The following KANK4 variants were observed in gnomAD, a reference collection of about 807,000 sequenced individuals.
KANK4 encodes KN motif and ankyrin repeat domains 4, also known as KN motif and ankyrin repeat domain-containing protein 4.
A neutral mutation model predicts 80.8 loss-of-function variants in KANK4; 50 were observed. The observed-to-expected ratio is 0.62, with a 90% CI of 0.49 to 0.78. KANK4 has a LOEUF of 0.78. Among genes scored for constraint, KANK4 ranks in the 30% least tolerant of loss-of-function variants. The pLI, the probability that KANK4 is intolerant of heterozygous loss-of-function variation, is 0.00. For synonymous variants in KANK4, 465 were observed against 506.9 expected (o/e 0.92, Z 1.11); for missense variants, 1,196 against 1,240.1 (o/e 0.96, Z 0.53).
rs559482425 is a variant in KANK4, at chr1:62,274,165, C to A, written c.939G>T (p.Pro313=). The stretch of plus-strand genomic sequence containing the variant: ...TTCTCATGTCCACCTCTACAGGTGG[C>A]GGGGGTGGAATCTCGCTGATGTTGA... ...IELNISEIPP[P]PPVEVDMRSI... The change falls in exon 3 of 10, where the codon CCG becomes CCT. Residue 313 remains proline, a synonymous_variant. Coordinates refer to ENST00000371153, the MANE Select transcript of KANK4 (RefSeq NM_181712.5). 5.0e-6 allele frequency: 8 copies of A among 1,614,114 alleles called. No individual in the cohort carries two copies. Among genetic ancestry groups the A allele is most frequent in the Non-Finnish European group, 6.8e-6 (8 of 1,180,010 alleles).
Position 62,271,579 on chromosome 1 carries a change from T to C in KANK4, c.1911A>G (p.Pro637=), listed in dbSNP as rs149615861. The change falls in exon 4 of 10, where the codon CCA becomes CCG. Residue 637 remains proline, a synonymous_variant. Transcript: ENST00000371153. ...SSSSPPVEIS[P]STSLKSIMKK... ...TCATTATGGATTTAAGGCTGGTCGA[T>C]GGGGAGATCTCTAGGCAGACACAAC... is the stretch of plus-strand genomic sequence containing the variant. 1.2e-4 allele frequency: 193 copies of C among 1,611,900 alleles called. 1 individual carries two copies. In the African/African-American group the frequency reaches 2.3e-3, roughly 19 times the overall value.
chr1:62,305,980 A>ACTCT (rs58731873), intron 1 of KANK4, among the ~76,000 whole-genome samples: 146 of 149,602 alleles, frequency 9.8e-4, no homozygotes, highest in Middle Eastern at 3.5e-3. Flanking sequence ...CCCATTACAG[A>ACTCT]CTCTCTCTCT....
chr1:62,269,302 G>T (rs888697116), intron 4 of KANK4, among the ~76,000 whole-genome samples: 2 of 152,174 alleles, frequency 1.3e-5, no homozygotes, highest in African/African-American at 4.8e-5. Flanking sequence ...AATGCTGGTG[G>T]TAAGATGATT....
chr1:62,253,510 A>T (rs1671677645), intron 7 of KANK4, among the ~76,000 whole-genome samples: 1 of 147,486 alleles, frequency 6.8e-6, no homozygotes, highest in Admixed American at 7.1e-5. Context: ...CCCAGGTTCA[A>T]GCAATTCTGC....
intron 7 of KANK4, among the ~76,000 whole-genome samples, chr1:62,257,278 G>T (rs981301994): frequency 6.6e-6 from 1 of 152,154 alleles, no homozygotes; most frequent in Admixed American, 6.5e-5. Context: ...AGTAGAGATG[G>T]GGTTTCGCCA....
chr1:62,243,054 C>A (rs2149114544), intron 9 of KANK4, among the ~76,000 whole-genome samples: 1 of 152,304 alleles, frequency 6.6e-6, no homozygotes. Flanking sequence ...TACCTGTGGG[C>A]CCATTACCTG....
chr1:62,264,877 G>A (rs1416492793), intron 6 of KANK4, among the ~76,000 whole-genome samples: 1 of 152,222 alleles, frequency 6.6e-6, no homozygotes, highest in South Asian at 2.1e-4. Flanking sequence ...TGTGGCCCAG[G>A]CTGGAGTGCA....
In KANK4 at chr1:62,286,520, G is replaced by A. The variant is rs531567209; in HGVS notation, c.-70-4886C>T. Among the ~76,000 whole-genome samples the A allele has an allele frequency of 2.6e-5, 4 of 152,296 alleles. No homozygotes were observed. In the South Asian group the frequency reaches 6.2e-4, roughly 24 times the overall value. On this transcript the variant is annotated intron_variant, in intron 1 of 9. Coordinates refer to ENST00000371153, the MANE Select transcript of KANK4 (RefSeq NM_181712.5). ...AAAGTTAGTTCCCAGAGCTGCCATC[G>A]CTTCCGAGGAACACATCTAGAGACA...
intron 1 of KANK4, among the ~76,000 whole-genome samples, chr1:62,289,076 T>C (rs942314308): frequency 6.6e-6 from 1 of 152,204 alleles, no homozygotes; most frequent in Non-Finnish European, 1.5e-5. Context: ...ATTTTGTTGT[T>C]GTTCTGTTTT....
intron 1 of KANK4, among the ~76,000 whole-genome samples, chr1:62,291,276 G>A (rs1480188957): frequency 1.3e-5 from 2 of 151,982 alleles, no homozygotes; most frequent in Non-Finnish European, 2.9e-5. Context: ...TTTTGAATTG[G>A]CTTGTTTGTT....
At position 62,274,396 on chromosome 1, in the gene KANK4, C is replaced by G. The variant is rs202032567; in HGVS notation, c.708G>C (p.Glu236Asp). Residue 236 changes from glutamate to aspartate, a missense_variant, in exon 3 of 10, where the codon GAG (glutamate) becomes GAC (aspartate). Physicochemically the swap from Glu to Asp is conservative, Grantham distance 45. Transcript: ENST00000371153. ...ELVQEGAEPP[E>D]GVVKVPNHLP... ...GGTGATTTGGAACCTTCACCACACC[C>G]TCTGGAGGCTCAGCTCCCTCCTGGA... 6.2e-7 allele frequency: 1 copy of G among 1,614,212 alleles called. No homozygotes were observed. Among genetic ancestry groups the G allele is most frequent in the African/African-American group, 1.3e-5 (1 of 75,064 alleles).
chr1:62,246,048 C>T (rs912960675), intron 9 of KANK4, among the ~76,000 whole-genome samples: 11 of 152,066 alleles, frequency 7.2e-5, no homozygotes, highest in African/African-American at 2.2e-4. Flanking sequence ...TTGATGCCTC[C>T]GTCTCCTTGA....
chr1:62,239,760 T>C (rs1297770298), intron 9 of KANK4, among the ~76,000 whole-genome samples: 2 of 152,108 alleles, frequency 1.3e-5, no homozygotes, highest in Non-Finnish European at 1.5e-5. Flanking sequence ...TGAGAACATG[T>C]GGTGTTTGGT....
At chr1:62,239,647 A>G (rs1671291256) in intron 9 of KANK4, among the ~76,000 whole-genome samples, 1 of 151,950 alleles carries the variant, frequency 6.6e-6, no homozygotes, top group Non-Finnish European at 1.5e-5. Context: ...TATATCCCCT[A>G]ATGCTATCCC....
Position 62,238,188 on chromosome 1 carries a change from C to A in KANK4, c.*89G>T. Reference sequence around the variant, plus strand: ...GTTTCTTCTCTAGAAGGGTGGCTCTCTGGCCTGTGACCTCTGCCCTCTTCA... The same window carrying A: ...GTTTCTTCTCTAGAAGGGTGGCTCTATGGCCTGTGACCTCTGCCCTCTTCA... On this transcript the variant is annotated 3_prime_UTR_variant, in exon 10 of 10. Coordinates refer to ENST00000371153, the MANE Select transcript of KANK4 (RefSeq NM_181712.5). 1.2e-6 allele frequency: 1 copy of A among 843,022 alleles called. No individual in the cohort carries two copies. The allele number at this position is 843,022 out of a possible 1,614,324, so 52.2% of individuals were successfully genotyped here.
intron 1 of KANK4, among the ~76,000 whole-genome samples, chr1:62,309,610 T>C (rs746338528): frequency 6.6e-6 from 1 of 152,240 alleles, no homozygotes; most frequent in African/African-American, 2.4e-5. Context: ...CTAGTTATTA[T>C]GTGCCAAGGG....
chr1:62,304,658 A>G (rs1644436997), intron 1 of KANK4, among the ~76,000 whole-genome samples: 1 of 151,924 alleles, frequency 6.6e-6, no homozygotes, highest in Admixed American at 6.6e-5. Context: ...CAACAACCTC[A>G]TGCATTCCAA....
At position 62,238,012 on chromosome 1, in the gene KANK4, A is replaced by C; in HGVS notation, c.*265T>G. On this transcript the variant is annotated 3_prime_UTR_variant, in exon 10 of 10. Transcript: ENST00000371153. ...GAATTCAAGGCTGAAGATGTTTTGGATGTTTGGATGACACCGACGTACCCC... is the reference window on the plus strand; with the variant it reads ...GAATTCAAGGCTGAAGATGTTTTGGCTGTTTGGATGACACCGACGTACCCC... 1 of 369,558 alleles carries C rather than the reference A, an allele frequency of 2.7e-6. No homozygotes were observed. 22.9% of individuals were successfully genotyped at this position (369,558 alleles called of 1,614,324 possible). A position where few individuals can be genotyped will look rare whatever the true frequency, so the allele number is the denominator to read the frequency against.
At chr1:62,307,135 A>G (rs1358485649) in intron 1 of KANK4, among the ~76,000 whole-genome samples, 1 of 151,094 alleles carries the variant, frequency 6.6e-6, no homozygotes, top group East Asian at 1.9e-4. Context: ...CCAGGCCATC[A>G]TGCAGGAAGC....
Sources: gnomAD v4.1 joint callset for allele counts (sites outside exome capture counted in the v4.1 genomes callset) on GRCh38, gnomAD v4.1.1 for gene constraint, MANE v1.5 for transcripts, NCBI Gene and HGNC (gene_info 2026-07-23, HGNC 2026-07-21) for gene names.